Variants in COL4A3 observed in about 807,000 individuals in gnomAD.
COL4A3 encodes collagen type IV alpha 3 chain, also known as collagen alpha-3(IV) chain.
In COL4A3, 135 loss-of-function variants were observed where a neutral mutation model predicts 217.4. The observed-to-expected ratio is 0.62, with a 90% CI of 0.54 to 0.72. The LOEUF (loss-of-function observed/expected upper bound fraction) is 0.72. COL4A3 is among the 30% of genes least tolerant of loss of function. COL4A3 has a pLI of 0.00. For synonymous variants in COL4A3, 690 were observed against 736.3 expected (o/e 0.94, Z 1.02); for missense variants, 1,868 against 2,119.9 (o/e 0.88, Z 2.33).
chr2:227,243,157 T>C (rs1261365438), intron 3 of COL4A3, among the ~76,000 whole-genome samples: 1 of 152,236 alleles, frequency 6.6e-6, no homozygotes, highest in African/African-American at 2.4e-5. Context: ...TTCATTAAAA[T>C]AGTCACAAAC....
intron 1 of COL4A3, among the ~76,000 whole-genome samples, chr2:227,213,446 T>C (rs1483438968): frequency 1.3e-5 from 2 of 152,136 alleles, no homozygotes; most frequent in African/African-American, 4.8e-5. Flanking sequence ...GAAAGACCAA[T>C]ATTCCTTTTA....
chr2:227,243,708 C>T (rs1211525483), intron 3 of COL4A3, among the ~76,000 whole-genome samples: 1 of 152,250 alleles, frequency 6.6e-6, no homozygotes, highest in Non-Finnish European at 1.5e-5. Context: ...CTGAAACAGT[C>T]ACCATTTAAG....
chr2:227,290,092 A>C lies in COL4A3; in HGVS notation c.3070+4A>C, dbSNP rs2072591669. ...ATGGGGAACATGGGCATGCCAGGTAATGCATAAGGTCCTGTTATGAGCCCA... is the reference window on the plus strand; with the variant it reads ...ATGGGGAACATGGGCATGCCAGGTACTGCATAAGGTCCTGTTATGAGCCCA... On this transcript the variant is annotated splice_donor_region_variant and intron_variant, in intron 36 of 51. Coordinates refer to ENST00000396578, the MANE Select transcript of COL4A3 (RefSeq NM_000091.5). 1.2e-6 allele frequency: 2 copies of C among 1,613,562 alleles called. No individual in the cohort carries two copies. The highest frequency in any genetic ancestry group is 2.7e-5 in the African/African-American group (2 of 75,046).
In COL4A3 at chr2:227,253,544, A is replaced by T; in HGVS notation, c.688-17A>T. Reference sequence around the variant, plus strand: ...GCTGTTGTTTATTTTCTCACTCCTGAGTGTTTTTGTCTTTAGGGTGTGAAA... The same window carrying T: ...GCTGTTGTTTATTTTCTCACTCCTGTGTGTTTTTGTCTTTAGGGTGTGAAA... On this transcript the variant is annotated splice_polypyrimidine_tract_variant and intron_variant, in intron 12 of 51. Coordinates refer to ENST00000396578, the MANE Select transcript of COL4A3 (RefSeq NM_000091.5). The surrounding 1 kb of genome is among the most constrained non-coding windows in gnomAD (Gnocchi z 4.4). 1 of 1,604,504 alleles carries T rather than the reference A, an allele frequency of 6.2e-7. No homozygotes were observed. The highest frequency in any genetic ancestry group is 1.1e-5 in the South Asian group (1 of 90,894).
chr2:227,203,699 A>G (rs1301128945), intron 1 of COL4A3, among the ~76,000 whole-genome samples: 5 of 30,362 alleles, frequency 1.6e-4, no homozygotes, highest in East Asian at 1.8e-3. Flanking sequence ...ATATGTGTGT[A>G]TATATGTGTA....
chr2:227,279,694 TA>T, intron 28 of COL4A3, 98 bp from the exon 29 acceptor site: 1 of 816,720 alleles, frequency 1.2e-6, no homozygotes, highest in Non-Finnish European at 1.9e-6. Flanking sequence ...TAAATTTTCA[TA>T]AAAGCATCTC....
chr2:227,280,682 C>T, intron 30 of COL4A3, 92 bp downstream of exon 30: 1 of 1,429,110 alleles, frequency 7.0e-7, no homozygotes, highest in Non-Finnish European at 9.9e-7. Context: ...ATGAAGAATT[C>T]TCCCATCCAA....
intron 1 of COL4A3, among the ~76,000 whole-genome samples, chr2:227,229,184 C>G (rs1289887903): frequency 6.6e-6 from 1 of 152,132 alleles, no homozygotes; most frequent in Non-Finnish European, 1.5e-5. Flanking sequence ...GAATTGAGAT[C>G]AAGAGAAGAG....
rs950631705 is a variant in COL4A3, at chr2:227,294,709, T to A, written c.3418+139T>A. On this transcript the variant is annotated intron_variant, in intron 39 of 51. Transcript: ENST00000396578. ...TATCCAGACAAAAATGCAAAAAAAA[T>A]GGGGTTAGATATTTCTATCTATTTA... The A allele has an allele frequency of 6.9e-6, 5 of 727,374 alleles. No individual in the cohort carries two copies. In the African/African-American group the frequency reaches 9.0e-5, roughly 13 times the overall value. The allele number at this position is 727,374 out of a possible 1,614,324, so 45.1% of individuals were successfully genotyped here.
At chr2:227,196,225 T>G (rs889931131) in intron 1 of COL4A3, among the ~76,000 whole-genome samples, 1 of 152,154 alleles carries the variant, frequency 6.6e-6, no homozygotes, top group Admixed American at 6.5e-5. Flanking sequence ...GCCTTCACAT[T>G]CACTCACCAC....
At chr2:227,171,064 C>G (rs1387365156) in intron 1 of COL4A3, among the ~76,000 whole-genome samples, 1 of 152,142 alleles carries the variant, frequency 6.6e-6, no homozygotes, top group Non-Finnish European at 1.5e-5. Context: ...AGTGAATTAA[C>G]AAATGTAGCA....
intron 1 of COL4A3, chr2:227,222,327 T>G (rs1264820430): frequency 6.6e-6 from 1 of 152,088 alleles, no homozygotes; most frequent in African/African-American, 2.4e-5. Context: ...TCATGTTCAT[T>G]TTATACGTAG....
At chr2:227,308,824 T>C in intron 48 of COL4A3, 75 bp from the exon 49 acceptor site, 2 of 1,457,754 alleles carry the variant, frequency 1.4e-6, no homozygotes, top group Middle Eastern at 2.2e-4. Context: ...ACATTTAAAT[T>C]AGCTTCTCTC....
intron 1 of COL4A3, among the ~76,000 whole-genome samples, chr2:227,201,540 A>C (rs1309761712): frequency 6.6e-6 from 1 of 152,168 alleles, no homozygotes; most frequent in Non-Finnish European, 1.5e-5. Flanking sequence ...GAATAGTAGC[A>C]ATGTATCCGT....
At chr2:227,272,062 A>G (rs889361968) in intron 25 of COL4A3, among the ~76,000 whole-genome samples, 1 of 152,182 alleles carries the variant, frequency 6.6e-6, no homozygotes, top group Non-Finnish European at 1.5e-5. Context: ...TCTGACTACA[A>G]AACCCTTTTT....
chr2:227,198,715 A>G lies in COL4A3; in HGVS notation c.87+33902A>G, dbSNP rs184082374. On this transcript the variant is annotated intron_variant, in intron 1 of 51. Coordinates refer to ENST00000396578, the MANE Select transcript of COL4A3 (RefSeq NM_000091.5). ...TTAAAAGTTTCAAAGCCAATTGTCTATCTGTTACAGTGAGGTAAGTTTTAA... is the reference window on the plus strand; with the variant it reads ...TTAAAAGTTTCAAAGCCAATTGTCTGTCTGTTACAGTGAGGTAAGTTTTAA... 1.2e-4 allele frequency among the ~76,000 whole-genome samples: 19 copies of G among 152,356 alleles called. No homozygotes were observed. In the South Asian group the frequency reaches 1.5e-3, roughly 12 times the overall value.
At position 227,238,835 on chromosome 2, in the gene COL4A3, T is replaced by C. The variant is rs531310239; in HGVS notation, c.144+811T>C. Among the ~76,000 whole-genome samples, 4 of 152,252 alleles carry C rather than the reference T, an allele frequency of 2.6e-5. No homozygotes were observed. In the South Asian group the frequency reaches 8.3e-4, roughly 31 times the overall value. On this transcript the variant is annotated intron_variant, in intron 2 of 51. Transcript: ENST00000396578. The stretch of plus-strand genomic sequence containing the variant: ...AGGTTTTTTCTTGAATCTGTGAATG[T>C]ATTCTAATTCAGGTTCCCATTGAGA...
chr2:227,192,211 G>A (rs749512554), intron 1 of COL4A3, among the ~76,000 whole-genome samples: 5 of 152,000 alleles, frequency 3.3e-5, no homozygotes, highest in Admixed American at 6.6e-5. Flanking sequence ...TCCAGGTTCT[G>A]ACTATCAATT....
chr2:227,165,397 G>C (rs1286930194), intron 1 of COL4A3, among the ~76,000 whole-genome samples: 1 of 152,150 alleles, frequency 6.6e-6, no homozygotes, highest in Non-Finnish European at 1.5e-5. Context: ...CTTAGAAATC[G>C]AACTCAGGTT....
Sources: gnomAD v4.1 joint callset for allele counts (sites outside exome capture counted in the v4.1 genomes callset) on GRCh38, gnomAD v4.1.1 for gene constraint, Gnocchi (gnomAD v3.1) non-coding constraint, MANE v1.5 for transcripts, NCBI Gene and HGNC (gene_info 2026-07-23, HGNC 2026-07-21) for gene names.